DOCK1: variants seen among roughly 807,000 people sequenced by gnomAD.
DOCK1 encodes dedicator of cytokinesis 1.
DOCK1 carries 138 observed loss-of-function variants against 262.7 expected under a neutral mutation model. The ratio of observed to expected loss-of-function variants is 0.53; its 90% CI spans 0.46 to 0.61. The LOEUF is 0.61. Ranked by LOEUF, DOCK1 falls within the 20% of genes least tolerant of loss-of-function variation. The pLI, the probability that DOCK1 is intolerant of heterozygous loss-of-function variation, is 0.00. For missense variants in DOCK1, 1,908 were observed against 2,370.7 expected (o/e 0.80, Z 4.05); for synonymous variants, 866 against 867.4 (o/e 1.00, Z 0.03).
intron 32 of DOCK1, among the ~76,000 whole-genome samples, chr10:127,360,162 C>G (rs1385194738): frequency 2.0e-5 from 3 of 152,202 alleles, no homozygotes; most frequent in Non-Finnish European, 4.4e-5. Context: ...GAGCTTCATT[C>G]CAGAGGTGCA....
chr10:127,364,318 G>C (rs180899850), intron 33 of DOCK1, among the ~76,000 whole-genome samples: 1 of 152,162 alleles, frequency 6.6e-6, no homozygotes, highest in African/African-American at 2.4e-5. Context: ...CACCTGGCTC[G>C]GAGATCATTA....
chr10:127,195,479 C>T (rs1260764336), intron 27 of DOCK1, among the ~76,000 whole-genome samples: 2 of 152,190 alleles, frequency 1.3e-5, no homozygotes, highest in Non-Finnish European at 2.9e-5. Flanking sequence ...GCTGCTCGCG[C>T]CTCTCCTCAA....
Position 127,354,635 on chromosome 10 carries a change from G to A in DOCK1, c.3225-34G>A, listed in dbSNP as rs376651263. The A allele has an allele frequency of 6.7e-4, 1,087 of 1,613,134 alleles. 11 individuals carry two copies. The highest frequency in any genetic ancestry group is 1.4e-3 in the Admixed American group (85 of 59,964). On this transcript the variant is annotated intron_variant, in intron 31 of 51. Transcript: ENST00000623213. ...GTCCGATTTTCAAATGCCTTCCGGA[G>A]TGATTCAGCGTTTTTCTTTTCCCTG...
At chr10:127,434,836 T>C (rs2069561753) in intron 48 of DOCK1, among the ~76,000 whole-genome samples, 1 of 152,052 alleles carries the variant, frequency 6.6e-6, no homozygotes, top group South Asian at 2.1e-4. Flanking sequence ...GTATATTTAG[T>C]AGAGACGGGG....
chr10:127,408,525 C>T (rs2067654382), intron 40 of DOCK1, among the ~76,000 whole-genome samples: 1 of 152,224 alleles, frequency 6.6e-6, no homozygotes, highest in African/African-American at 2.4e-5. Context: ...CAGGAGTCAG[C>T]GCCCGGCGGC....
intron 2 of DOCK1, among the ~76,000 whole-genome samples, chr10:126,975,633 T>C (rs1488490614): frequency 1.3e-5 from 2 of 151,886 alleles, no homozygotes; most frequent in African/African-American, 2.4e-5. Context: ...CTTTTCTTTT[T>C]TTTTTTTTTG....
chr10:127,322,924 CAATCAAT>C (rs745375322), intron 29 of DOCK1, among the ~76,000 whole-genome samples: 3 of 152,220 alleles, frequency 2.0e-5, no homozygotes, highest in Non-Finnish European at 4.4e-5. Context: ...TCACAGACTG[CAATCAAT>C]AATCAATAAT....
Position 127,257,316 on chromosome 10 carries a change from T to A in DOCK1, c.2950-19T>A. On this transcript the variant is annotated intron_variant, in intron 28 of 51. Coordinates refer to ENST00000623213, the MANE Select transcript of DOCK1 (RefSeq NM_001290223.2). ...TTTTTCTTTGTGGGCCATTTCAGTG[T>A]TTTGTTTTTTTATTTCAGGATTTCC... 6.4e-7 allele frequency: 1 copy of A among 1,561,382 alleles called. No individual in the cohort carries two copies. Among genetic ancestry groups the A allele is most frequent in the Non-Finnish European group, 8.7e-7 (1 of 1,148,208 alleles).
chr10:126,960,745 TACACACACACACACAC>T (rs1168329136), intron 1 of DOCK1, among the ~76,000 whole-genome samples: 1 of 115,496 alleles, frequency 8.7e-6, no homozygotes, highest in Admixed American at 8.1e-5. Context: ...TATATATATA[TACACACACACACACAC>T]AGACACATAT....
intron 27 of DOCK1, among the ~76,000 whole-genome samples, chr10:127,234,137 C>T (rs918048719): frequency 2.0e-5 from 3 of 152,104 alleles, no homozygotes; most frequent in Non-Finnish European, 4.4e-5. Flanking sequence ...AGAAAACAGG[C>T]GCTTGCTGTC....
At chr10:127,297,794 G>A (rs1280068058) in intron 29 of DOCK1, among the ~76,000 whole-genome samples, 1 of 152,090 alleles carries the variant, frequency 6.6e-6, no homozygotes, top group East Asian at 1.9e-4. Context: ...GGAAATGCGG[G>A]AAGCATTTTT....
At chr10:127,243,403 C>T (rs1395294236) in intron 27 of DOCK1, among the ~76,000 whole-genome samples, 1 of 152,146 alleles carries the variant, frequency 6.6e-6, no homozygotes, top group Non-Finnish European at 1.5e-5. Context: ...GCTCCACCAC[C>T]AGCACCCCAT....
chr10:127,304,196 G>A (rs936536332), intron 29 of DOCK1, among the ~76,000 whole-genome samples: 1 of 152,158 alleles, frequency 6.6e-6, no homozygotes, highest in Non-Finnish European at 1.5e-5. Context: ...GGTGGGGGCC[G>A]GAGCTGAGGC....
At chr10:127,160,525 A>G (rs2053508043) in intron 27 of DOCK1, among the ~76,000 whole-genome samples, 3 of 152,194 alleles carry the variant, frequency 2.0e-5, no homozygotes, top group African/African-American at 7.2e-5. Flanking sequence ...GCTCTTTTAA[A>G]TGCCTTGTTA....
intron 29 of DOCK1, among the ~76,000 whole-genome samples, chr10:127,317,584 AGT>A (rs1198511039): frequency 1.3e-5 from 2 of 152,182 alleles, no homozygotes; most frequent in Non-Finnish European, 2.9e-5. Context: ...TCTGGATTCG[AGT>A]GCACATTCAC....
At chr10:127,186,614 C>T (rs1367131113) in intron 27 of DOCK1, among the ~76,000 whole-genome samples, 1 of 148,416 alleles carries the variant, frequency 6.7e-6, no homozygotes, top group East Asian at 2.0e-4. Context: ...GGACAGAGAG[C>T]CAAACCGTAT....
intron 25 of DOCK1, among the ~76,000 whole-genome samples, chr10:127,111,326 T>A (rs184608450): frequency 6.6e-6 from 1 of 152,240 alleles, no homozygotes; most frequent in African/African-American, 2.4e-5. Flanking sequence ...TAGGTGAGAG[T>A]GTTCTTCTCT....
At chr10:126,976,354 A>G (rs1212597477) in intron 2 of DOCK1, among the ~76,000 whole-genome samples, 2 of 152,224 alleles carry the variant, frequency 1.3e-5, no homozygotes, top group South Asian at 2.1e-4. Flanking sequence ...TCAGTTCATC[A>G]TAACTGGGTC....
rs533414122 is a variant in DOCK1, at chr10:127,329,884, TA to T, written c.3045-9121del. On this transcript the variant is annotated intron_variant, in intron 29 of 51. Transcript: ENST00000623213. ...AAACACAATCCTGAAATTAGACTGTTAGTGATGACAGGCTTGGTGCTCTGGA... is the reference window on the plus strand; with the variant it reads ...AAACACAATCCTGAAATTAGACTGTTGTGATGACAGGCTTGGTGCTCTGGA... Among the ~76,000 whole-genome samples the T allele has an allele frequency of 4.4e-4, 67 of 152,236 alleles. No individual in the cohort carries two copies. The Middle Eastern group carries it at 0.01, about 23-fold the overall frequency.
Sources: gnomAD v4.1 joint callset for allele counts (sites outside exome capture counted in the v4.1 genomes callset) on GRCh38, gnomAD v4.1.1 for gene constraint, MANE v1.5 for transcripts, NCBI Gene and HGNC (gene_info 2026-07-23, HGNC 2026-07-21) for gene names.